GPC5: variants seen among roughly 807,000 people sequenced by gnomAD.
GPC5 encodes glypican 5, also known as glypican-5.
In GPC5, 47 loss-of-function variants were observed where a neutral mutation model predicts 53.9. The observed-to-expected ratio is 0.87, with a 90% CI of 0.69 to 1.11. The LOEUF (loss-of-function observed/expected upper bound fraction) is 1.11. Ranked by LOEUF, GPC5 falls within the 50% of genes most tolerant of loss-of-function variation. The pLI is 0.00. For missense variants in GPC5, 748 were observed against 713.1 expected (o/e 1.05, Z -0.56); for synonymous variants, 286 against 263.3 (o/e 1.09, Z -0.84).
chr13:92,751,752 A>AT (rs1889409295), intron 7 of GPC5, among the ~76,000 whole-genome samples: 1 of 152,008 alleles, frequency 6.6e-6, no homozygotes, highest in African/African-American at 2.4e-5. Context: ...ATAAAAAAAA[A>AT]TAAAAAATAA....
intron 7 of GPC5, among the ~76,000 whole-genome samples, chr13:92,435,776 A>G (rs1344069710): frequency 6.6e-6 from 1 of 152,246 alleles, no homozygotes; most frequent in Non-Finnish European, 1.5e-5. Flanking sequence ...TCATGGACAC[A>G]GGCAATTCAG....
intron 3 of GPC5, among the ~76,000 whole-genome samples, 178 bp from the exon 4 acceptor site, chr13:91,728,354 G>A (rs1287515460): frequency 2.0e-5 from 3 of 152,000 alleles, no homozygotes; most frequent in African/African-American, 7.2e-5. Context: ...GCCGTATTCA[G>A]ATAATTTACT....
At chr13:92,526,235 G>A (rs1285205322) in intron 7 of GPC5, among the ~76,000 whole-genome samples, 1 of 152,068 alleles carries the variant, frequency 6.6e-6, no homozygotes, top group East Asian at 1.9e-4. Context: ...AAAGTGGAAG[G>A]TAATTAACAG....
At chr13:92,743,296 T>C (rs1889155730) in intron 7 of GPC5, among the ~76,000 whole-genome samples, 1 of 152,148 alleles carries the variant, frequency 6.6e-6, no homozygotes, top group South Asian at 2.1e-4. Context: ...GAAGAGGTCC[T>C]TCACATCCCT....
intron 7 of GPC5, among the ~76,000 whole-genome samples, chr13:92,384,697 G>A (rs558923943): frequency 1.3e-5 from 2 of 152,082 alleles, no homozygotes; most frequent in Non-Finnish European, 2.9e-5. Context: ...TGAGCAACAC[G>A]AAGTGGTACC....
chr13:92,748,052 T>C (rs1303398541), intron 7 of GPC5, among the ~76,000 whole-genome samples: 1 of 151,838 alleles, frequency 6.6e-6, no homozygotes, highest in African/African-American at 2.4e-5. Flanking sequence ...TATATGAATA[T>C]GCAAAAAAGG....
At position 92,257,546 on chromosome 13, in the gene GPC5, A is replaced by ATTTTTTTTTTTTTT. The variant is rs398023955; in HGVS notation, c.1561+112565_1561+112578dup. 3.9e-3 allele frequency among the ~76,000 whole-genome samples: 286 copies of ATTTTTTTTTTTTTT among 72,918 alleles called. 65 individuals are homozygous for ATTTTTTTTTTTTTT. The highest frequency in any genetic ancestry group is 0.01 in the African/African-American group (135 of 12,932). 47.8% of individuals were successfully genotyped at this position (72,918 alleles called of 152,430 possible). ...AGTGAGAGAGGTTTCTAATACAGGGATTTTTTTTTTTTTTTTTTTTTGGGG... is the reference window on the plus strand; with the variant it reads ...AGTGAGAGAGGTTTCTAATACAGGGATTTTTTTTTTTTTTTTTTTTTTTTTTTTTTTTTTTGGGG... On this transcript the variant is annotated intron_variant, in intron 7 of 7. Transcript: ENST00000377067.
intron 2 of GPC5, among the ~76,000 whole-genome samples, chr13:91,589,377 T>C (rs1490552498): frequency 6.6e-6 from 1 of 152,016 alleles, no homozygotes; most frequent in East Asian, 1.9e-4. Context: ...TGTTTCTAGA[T>C]CATCTATCTG....
intron 6 of GPC5, among the ~76,000 whole-genome samples, chr13:92,002,685 A>G (rs146237301): frequency 6.6e-6 from 1 of 152,334 alleles, no homozygotes; most frequent in East Asian, 1.9e-4. Flanking sequence ...GTAAACAAGA[A>G]ACAAGATAGG....
intron 5 of GPC5, among the ~76,000 whole-genome samples, chr13:91,814,590 G>A (rs2038371452): frequency 6.6e-6 from 1 of 151,948 alleles, no homozygotes; most frequent in South Asian, 2.1e-4. Flanking sequence ...ACCCAGGCTG[G>A]AGTACAATGG....
intron 6 of GPC5, among the ~76,000 whole-genome samples, chr13:92,115,765 G>A (rs183250695): frequency 1.3e-5 from 2 of 152,218 alleles, no homozygotes; most frequent in Admixed American, 1.3e-4. Context: ...CAGTTTGAGG[G>A]CATTTAGGAT....
At chr13:91,694,948 A>G (rs1398475777) in intron 3 of GPC5, among the ~76,000 whole-genome samples, 1 of 152,184 alleles carries the variant, frequency 6.6e-6, no homozygotes, top group Admixed American at 6.5e-5. Flanking sequence ...CAATTCCTTT[A>G]ATTAATGACT....
intron 7 of GPC5, among the ~76,000 whole-genome samples, chr13:92,428,247 A>G (rs1015739692): frequency 6.6e-6 from 1 of 152,072 alleles, no homozygotes; most frequent in African/African-American, 2.4e-5. Flanking sequence ...CCTGTCTTGG[A>G]TGATATCCTG....
intron 6 of GPC5, among the ~76,000 whole-genome samples, chr13:91,970,765 C>T (rs1233892861): frequency 6.6e-6 from 1 of 152,122 alleles, no homozygotes; most frequent in East Asian, 1.9e-4. Flanking sequence ...TACTGGATTA[C>T]ATTTATTGAT....
chr13:91,634,446 C>G (rs1276637264), intron 2 of GPC5, among the ~76,000 whole-genome samples: 1 of 150,862 alleles, frequency 6.6e-6, no homozygotes, highest in African/African-American at 2.4e-5. Flanking sequence ...CTTTTTTTTT[C>G]TATAATCTTG....
At chr13:92,613,204 G>A (rs2032049415) in intron 7 of GPC5, among the ~76,000 whole-genome samples, 1 of 137,478 alleles carries the variant, frequency 7.3e-6, no homozygotes, top group South Asian at 2.2e-4. Flanking sequence ...AATATATGAA[G>A]TATAGAAAAA....
chr13:91,662,610 C>T (rs1193350359), intron 2 of GPC5, among the ~76,000 whole-genome samples: 1 of 151,872 alleles, frequency 6.6e-6, no homozygotes. Flanking sequence ...TAATCTTGTT[C>T]CCTCATTCAG....
intron 1 of GPC5, among the ~76,000 whole-genome samples, chr13:91,399,821 G>T (rs1224325136): frequency 6.6e-6 from 1 of 152,142 alleles, no homozygotes; most frequent in Non-Finnish European, 1.5e-5. Context: ...GTGTCTCCCA[G>T]CACCAAGGTA....
At chr13:92,294,248 A>T (rs2043017993) in intron 7 of GPC5, among the ~76,000 whole-genome samples, 1 of 152,084 alleles carries the variant, frequency 6.6e-6, no homozygotes, top group Non-Finnish European at 1.5e-5. Flanking sequence ...TATCTTGTGG[A>T]ATACTGTCAA....
Sources: allele counts gnomAD v4.1 joint callset (sites outside exome capture counted in the v4.1 genomes callset), GRCh38; gene constraint gnomAD v4.1.1; transcripts MANE v1.5; gene names NCBI Gene and HGNC (gene_info 2026-07-23, HGNC 2026-07-21).